The following MEF2A variants were observed in gnomAD, a reference collection of about 807,000 sequenced individuals.
The protein encoded by MEF2A is myocyte enhancer factor 2A.
Under a neutral mutation model 55.8 loss-of-function variants are expected in MEF2A, and 28 were observed. The ratio of observed to expected loss-of-function variants is 0.50; its 90% CI spans 0.37 to 0.69. MEF2A has a LOEUF of 0.69. MEF2A is among the 30% of genes least tolerant of loss of function. MEF2A has a pLI of 0.00. For missense variants in MEF2A, 528 were observed against 626.2 expected, an observed-to-expected ratio of 0.84 and a Z score of 1.67; for synonymous variants, 239 against 227.1, an observed-to-expected ratio of 1.05 and a Z score of -0.47.
intron 8 of MEF2A, among the ~76,000 whole-genome samples, chr15:99,693,643 C>G (rs1408613211): frequency 6.6e-6 from 1 of 152,174 alleles, no homozygotes; most frequent in African/African-American, 2.4e-5. Context: ...CCCCAAAATT[C>G]TCTACCCACC....
At chr15:99,588,446 C>T (rs1265839632) in intron 1 of MEF2A, among the ~76,000 whole-genome samples, 2 of 151,998 alleles carry the variant, frequency 1.3e-5, no homozygotes, top group Non-Finnish European at 2.9e-5. Context: ...GGACTACAGG[C>T]ACACACCACC....
intron 2 of MEF2A, among the ~76,000 whole-genome samples, chr15:99,610,847 A>G (rs1295980335): frequency 2.6e-5 from 4 of 152,234 alleles, no homozygotes; most frequent in South Asian, 4.1e-4. Flanking sequence ...GAATTTGGCA[A>G]TGGTTTCTTA....
intron 2 of MEF2A, among the ~76,000 whole-genome samples, chr15:99,614,385 A>G (rs1399293363): frequency 2.0e-5 from 3 of 152,158 alleles, no homozygotes; most frequent in African/African-American, 7.2e-5. Context: ...CACCGCGCCA[A>G]GCCCAACAAT....
chr15:99,709,734 G>T (rs1040484704), intron 10 of MEF2A, among the ~76,000 whole-genome samples: 2 of 152,208 alleles, frequency 1.3e-5, no homozygotes, highest in Admixed American at 1.3e-4. Flanking sequence ...CCCCGTGTGA[G>T]TGATAACTAA....
intron 2 of MEF2A, among the ~76,000 whole-genome samples, chr15:99,621,968 AC>A (rs2041260430): frequency 6.6e-6 from 1 of 151,986 alleles, no homozygotes; most frequent in African/African-American, 2.4e-5. Context: ...AGTAAAGTTT[AC>A]CCCCTGTTTA....
At chr15:99,624,096 C>G (rs539378713) in intron 2 of MEF2A, among the ~76,000 whole-genome samples, 1 of 152,118 alleles carries the variant, frequency 6.6e-6, no homozygotes, top group Non-Finnish European at 1.5e-5. Flanking sequence ...ATGAGCATGG[C>G]GCCCGGCCGT....
At position 99,633,042 on chromosome 15, in the gene MEF2A, A is replaced by G. The variant is rs1400973510; in HGVS notation, c.-78A>G. The G allele has an allele frequency of 1.4e-5, 17 of 1,182,484 alleles. No individual in the cohort carries two copies. The highest frequency in any genetic ancestry group is 2.1e-5 in the Non-Finnish European group (17 of 819,026). The allele number at this position is 1,182,484 out of a possible 1,614,324, so 73.2% of individuals were successfully genotyped here. On this transcript the variant is annotated 5_prime_UTR_variant, in exon 3 of 12. An upstream start codon of the reference 5' UTR is lost. Transcript: ENST00000557942. ...GCTGAAATAACAGAAGCTGTGTACG[A>G]TGCATTAGGGTATTGAAGAAAATTA... is the stretch of plus-strand genomic sequence containing the variant.
At chr15:99,610,963 C>T (rs868740161) in intron 2 of MEF2A, among the ~76,000 whole-genome samples, 1 of 152,214 alleles carries the variant, frequency 6.6e-6, no homozygotes, top group African/African-American at 2.4e-5. Flanking sequence ...GAAATGAGGC[C>T]GGGTGCGTTG....
rs537008998 is a variant in MEF2A at position 99,609,176 on chromosome 15, A to G, written c.-143+10665A>G. ...CCCAGGCCCATGTGCATGGCATGAC[A>G]TTGTTCATAATGGCTTTGGGTCATA... On this transcript the variant is annotated intron_variant, in intron 2 of 11. Coordinates refer to ENST00000557942, the MANE Select transcript of MEF2A (RefSeq NM_001319206.4). Among the ~76,000 whole-genome samples, 112 of 152,278 alleles carry G rather than the reference A, an allele frequency of 7.4e-4. No individual in the cohort carries two copies. The South Asian group carries it at 0.012, about 17-fold the overall frequency.
chr15:99,700,547 G>T lies in MEF2A; in HGVS notation c.859-2815G>T, dbSNP rs151149013. 2.4e-4 allele frequency among the ~76,000 whole-genome samples: 37 copies of T among 152,156 alleles called. 1 individual carries two copies. The highest frequency in any genetic ancestry group is 8.9e-4 in the African/African-American group (37 of 41,512). On this transcript the variant is annotated intron_variant, in intron 8 of 11. Coordinates refer to ENST00000557942, the MANE Select transcript of MEF2A (RefSeq NM_001319206.4). ...AAAAGGTACAGTTGTGTGTACATAT[G>T]AATTAGTATACATCATATATTTCCT...
At chr15:99,705,353 ATTATC>A (rs528946908) in intron 9 of MEF2A, among the ~76,000 whole-genome samples, 43 of 152,328 alleles carry the variant, frequency 2.8e-4, no homozygotes, top group East Asian at 1.9e-3. Context: ...CAATAAGGAT[ATTATC>A]TTATATTTGT....
At chr15:99,702,238 TAC>T (rs1270634994) in intron 8 of MEF2A, among the ~76,000 whole-genome samples, 1 of 152,180 alleles carries the variant, frequency 6.6e-6, no homozygotes, top group Non-Finnish European at 1.5e-5. Context: ...CCACCTACTT[TAC>T]ACACACCATT....
At chr15:99,685,225 G>T (rs1176561456) in intron 7 of MEF2A, among the ~76,000 whole-genome samples, 2 of 152,078 alleles carry the variant, frequency 1.3e-5, no homozygotes, top group Non-Finnish European at 2.9e-5. Flanking sequence ...CCCTAGTTCT[G>T]TGAAGAATGA....
intron 1 of MEF2A, among the ~76,000 whole-genome samples, chr15:99,583,841 T>C (rs1237375411): frequency 6.6e-6 from 1 of 152,154 alleles, no homozygotes; most frequent in East Asian, 1.9e-4. Context: ...ATAGGTACAG[T>C]CATGAGTCAC....
chr15:99,703,518 A>C (rs1486666683), intron 9 of MEF2A, 133 bp downstream of exon 9: 1 of 721,304 alleles, frequency 1.4e-6, no homozygotes, highest in African/African-American at 1.8e-5. Flanking sequence ...ACTTTGAATA[A>C]AGCAATCTAC....
intron 2 of MEF2A, among the ~76,000 whole-genome samples, chr15:99,605,529 A>G (rs1252917909): frequency 6.6e-6 from 1 of 152,216 alleles, no homozygotes; most frequent in East Asian, 1.9e-4. Flanking sequence ...TGTTCAACAC[A>G]TTTACAGACG....
intron 2 of MEF2A, among the ~76,000 whole-genome samples, chr15:99,629,881 A>G (rs2042665345): frequency 6.6e-6 from 1 of 151,834 alleles, no homozygotes; most frequent in African/African-American, 2.4e-5. Context: ...CGGAAGTTGC[A>G]GTGAGCCGAG....
chr15:99,706,370 C>A (rs954257425), intron 9 of MEF2A, among the ~76,000 whole-genome samples: 2 of 152,206 alleles, frequency 1.3e-5, no homozygotes, highest in Non-Finnish European at 2.9e-5. Context: ...CCTTTGCCAT[C>A]ATCAGGTATT....
chr15:99,671,482 T>A, intron 5 of MEF2A, 28 bp downstream of exon 5: 1 of 1,613,888 alleles, frequency 6.2e-7, no homozygotes, highest in Non-Finnish European at 8.5e-7. Flanking sequence ...ACCTCTACTT[T>A]TTATTTGTTG....
Sources: gnomAD v4.1 joint callset for allele counts (sites outside exome capture counted in the v4.1 genomes callset) on GRCh38, gnomAD v4.1.1 for gene constraint, MANE v1.5 for transcripts, NCBI Gene and HGNC (gene_info 2026-07-23, HGNC 2026-07-21) for gene names.